Variants in CES5A observed in about 807,000 individuals in gnomAD.
The protein encoded by CES5A is carboxylesterase 5A, also known as carboxylesterase 5.
CES5A carries 67 observed loss-of-function variants against 62.9 expected under a neutral mutation model. That is an observed-to-expected ratio of 1.07 (90% confidence interval 0.88 to 1.31). The LOEUF (loss-of-function observed/expected upper bound fraction) is 1.31, where lower values mean the gene tolerates loss of function less well. CES5A is among the 50% of genes most tolerant of loss of function. CES5A has a pLI of 0.00. For synonymous variants in CES5A, 296 were observed against 280.8 expected, an observed-to-expected ratio of 1.05 and a Z score of -0.54; for missense variants, 748 against 708.5, an observed-to-expected ratio of 1.06 and a Z score of -0.63.
At chr16:55,870,088 C>T (rs1244277546) in intron 3 of CES5A, among the ~76,000 whole-genome samples, 1 of 152,230 alleles carries the variant, frequency 6.6e-6, no homozygotes, top group African/African-American at 2.4e-5. Flanking sequence ...GCTCATAGAA[C>T]AATGAGCAAT....
At chr16:55,846,953 G>T (rs1183076939) in intron 11 of CES5A, 113 bp from the exon 12 acceptor site, 2 of 893,536 alleles carry the variant, frequency 2.2e-6, no homozygotes, top group African/African-American at 3.3e-5. Flanking sequence ...AAACTTACAA[G>T]CCTACCAAGT....
chr16:55,923,528 T>G (rs1451925832), intron 1 of CES5A, among the ~76,000 whole-genome samples: 1 of 151,706 alleles, frequency 6.6e-6, no homozygotes, highest in Non-Finnish European at 1.5e-5. Context: ...CATAATAAAA[T>G]GTCTCCCAAC....
chr16:55,899,649 G>C (rs28441339), intron 1 of CES5A, among the ~76,000 whole-genome samples: 6 of 152,066 alleles, frequency 3.9e-5, no homozygotes, highest in Admixed American at 6.5e-5. Context: ...TAAAGCAGTC[G>C]TTCCCAACCA....
In CES5A at chr16:55,918,930, G is replaced by A. The variant is rs572389649; in HGVS notation, c.-256+6393C>T. 3.9e-5 allele frequency among the ~76,000 whole-genome samples: 6 copies of A among 152,322 alleles called. No homozygotes were observed. The East Asian group carries it at 9.6e-4, about 24-fold the overall frequency. On this transcript the variant is annotated intron_variant, in intron 1 of 12. Coordinates refer to the CES5A transcript ENST00000518005. ...CCCTACAAATCTCAAAATCCAGGGTGAGTATCTCTACCAGGGTGGGTCTTC... is the reference window on the plus strand; with the variant it reads ...CCCTACAAATCTCAAAATCCAGGGTAAGTATCTCTACCAGGGTGGGTCTTC...
chr16:55,872,949 C>T (rs1039771094), intron 2 of CES5A, among the ~76,000 whole-genome samples: 20 of 152,134 alleles, frequency 1.3e-4, no homozygotes, highest in Middle Eastern at 3.2e-3. Context: ...CAAGTTGGTT[C>T]GCAATGAATA....
At chr16:55,944,907 G>A (rs1394523685) in intron 2 of CES5A, among the ~76,000 whole-genome samples, 1 of 152,216 alleles carries the variant, frequency 6.6e-6, no homozygotes, top group East Asian at 1.9e-4. Context: ...GCTGGAGTAA[G>A]TGGGACCCAG....
At chr16:55,916,409 T>C (rs2034149328) in intron 1 of CES5A, among the ~76,000 whole-genome samples, 1 of 152,246 alleles carries the variant, frequency 6.6e-6, no homozygotes, top group Non-Finnish European at 1.5e-5. Flanking sequence ...TCATTTATAC[T>C]ATAAACTATT....
intron 1 of CES5A, among the ~76,000 whole-genome samples, chr16:55,881,781 A>C (rs967409223): frequency 2.0e-5 from 3 of 152,216 alleles, no homozygotes; most frequent in Non-Finnish European, 4.4e-5. Context: ...TTATTTGAGA[A>C]GCTCAGTGGT....
upstream of CES5A, among the ~76,000 whole-genome samples, chr16:55,879,158 A>T (rs1287896668): frequency 7.7e-6 from 1 of 129,334 alleles, no homozygotes; most frequent in Non-Finnish European, 1.6e-5. Flanking sequence ...CTACCCCATC[A>T]CTGCACCCCA....
intron 2 of CES5A, 82 bp from the exon 3 acceptor site, chr16:55,871,845 G>C: frequency 1.3e-6 from 2 of 1,490,718 alleles, no homozygotes; most frequent in Non-Finnish European, 1.8e-6. Context: ...TGACAGCGGG[G>C]AGGCCTGGCC....
At chr16:55,854,544 C>CTTTTCTTTTTTTTTTTT (rs750867515) in intron 9 of CES5A, among the ~76,000 whole-genome samples, 25 of 64,418 alleles carry the variant, frequency 3.9e-4, no homozygotes, top group Admixed American at 1.2e-3. Flanking sequence ...TTTTTTTTTT[C>CTTTTCTTTTTTTTTTTT]TTTTTTTTTT....
intron 4 of CES5A, among the ~76,000 whole-genome samples, chr16:55,867,515 C>G (rs2033489446): frequency 6.6e-6 from 1 of 152,188 alleles, no homozygotes; most frequent in Non-Finnish European, 1.5e-5. Context: ...CCCTGGGTCC[C>G]CTCCACTGTC....
At chr16:55,938,797 TACACACATATATATATATACAC>T (rs1352430230) in intron 2 of CES5A, among the ~76,000 whole-genome samples, 1 of 51,100 alleles carries the variant, frequency 2.0e-5, no homozygotes, top group Non-Finnish European at 3.5e-5. Context: ...TATATATATA[TACACACATATATATATATACAC>T]ACACATATAT....
intron 1 of CES5A, among the ~76,000 whole-genome samples, chr16:55,883,519 C>T (rs2033783013): frequency 6.6e-6 from 1 of 152,188 alleles, no homozygotes; most frequent in Non-Finnish European, 1.5e-5. Context: ...ATGATCCTCC[C>T]ATCTCGGCCT....
chr16:55,939,316 C>A (rs1347911213), intron 2 of CES5A, among the ~76,000 whole-genome samples: 3 of 152,046 alleles, frequency 2.0e-5, no homozygotes, highest in African/African-American at 7.2e-5. Flanking sequence ...GGGTTGAGGT[C>A]CACCCCACTC....
chr16:55,939,535 C>A (rs2034424937), intron 2 of CES5A, among the ~76,000 whole-genome samples: 1 of 151,988 alleles, frequency 6.6e-6, no homozygotes. Flanking sequence ...TGACATGGCC[C>A]CCTGACACCC....
chr16:55,850,191 C>A (rs2033101595), intron 10 of CES5A, among the ~76,000 whole-genome samples: 1 of 152,198 alleles, frequency 6.6e-6, no homozygotes, highest in South Asian at 2.1e-4. Context: ...TCTGCCTTCT[C>A]ATTTTCTTAA....
chr16:55,919,861 C>T (rs966679216), intron 1 of CES5A, among the ~76,000 whole-genome samples: 1 of 152,136 alleles, frequency 6.6e-6, no homozygotes, highest in African/African-American at 2.4e-5. Flanking sequence ...CAGGCACTTT[C>T]CATGAGTTAA....
intron 1 of CES5A, among the ~76,000 whole-genome samples, chr16:55,885,876 A>G (rs965225944): frequency 1.4e-4 from 22 of 152,234 alleles, no homozygotes; most frequent in Admixed American, 1.4e-3. Flanking sequence ...GAGTATTTTC[A>G]GATCCAGCAA....
Sources: allele counts gnomAD v4.1 joint callset (sites outside exome capture counted in the v4.1 genomes callset), GRCh38; gene constraint gnomAD v4.1.1; transcripts MANE v1.5; gene names NCBI Gene and HGNC (gene_info 2026-07-23, HGNC 2026-07-21).